GRIA1: variants seen among roughly 807,000 people sequenced by gnomAD.
The protein encoded by GRIA1 is glutamate receptor 1.
GRIA1 carries 31 observed loss-of-function variants against 99.2 expected under a neutral mutation model. The observed-to-expected ratio is 0.31, with a 90% CI of 0.23 to 0.42. GRIA1 has a LOEUF of 0.42. GRIA1 is among the 10% of genes least tolerant of loss of function. The pLI, the probability that GRIA1 is intolerant of heterozygous loss-of-function variation, is 1.00. For missense variants in GRIA1, 782 were observed against 1,157.5 expected (o/e 0.68, Z 4.71); for synonymous variants, 438 against 432.4 (o/e 1.01, Z -0.16).
chr5:153,762,889 GT>G (rs1375895262), intron 11 of GRIA1, among the ~76,000 whole-genome samples: 1 of 152,120 alleles, frequency 6.6e-6, no homozygotes, highest in Admixed American at 6.5e-5. Flanking sequence ...CTTCTACAAA[GT>G]TCTCCTAAAT....
chr5:153,626,444 C>CTGTGTGTGTGTG (rs3036985), intron 2 of GRIA1, among the ~76,000 whole-genome samples: 10 of 142,322 alleles, frequency 7.0e-5, no homozygotes, highest in Non-Finnish European at 9.2e-5. Flanking sequence ...GTGTGTGTGT[C>CTGTGTGTGTGTG]TGTGTGTGTG....
chr5:153,762,374 G>C (rs1235790562), intron 11 of GRIA1, among the ~76,000 whole-genome samples: 1 of 152,082 alleles, frequency 6.6e-6, no homozygotes, highest in Non-Finnish European at 1.5e-5. Context: ...ATCCAGAGTT[G>C]GGAAAGCTGC....
chr5:153,656,390 T>TATATATATATATAC (rs1243047088), intron 5 of GRIA1, among the ~76,000 whole-genome samples: 1 of 50,376 alleles, frequency 2.0e-5, no homozygotes, highest in Non-Finnish European at 5.1e-5. Flanking sequence ...TGTTTATATA[T>TATATATATATATAC]ATATATATAT....
intron 2 of GRIA1, chr5:153,558,029 G>A (rs1760806155): frequency 2.0e-5 from 3 of 152,136 alleles, no homozygotes; most frequent in South Asian, 4.1e-4. Context: ...ATGACTGTAT[G>A]TGTTATACTT....
chr5:153,563,171 T>C (rs1418215396), intron 2 of GRIA1, among the ~76,000 whole-genome samples: 1 of 143,298 alleles, frequency 7.0e-6, no homozygotes, highest in Non-Finnish European at 1.5e-5. Flanking sequence ...CGAGACTCTG[T>C]CTCAAAAAAA....
At chr5:153,766,383 T>A (rs1374661910) in intron 12 of GRIA1, among the ~76,000 whole-genome samples, 1 of 152,204 alleles carries the variant, frequency 6.6e-6, no homozygotes, top group Non-Finnish European at 1.5e-5. Context: ...CAACCCCTGC[T>A]AATGCAGTTA....
At chr5:153,505,037 G>T (rs1220543046) in intron 2 of GRIA1, among the ~76,000 whole-genome samples, 1 of 152,048 alleles carries the variant, frequency 6.6e-6, no homozygotes, top group African/African-American at 2.4e-5. Flanking sequence ...ACCTGAAGAG[G>T]GGACAGGGAG....
intron 4 of GRIA1, among the ~76,000 whole-genome samples, chr5:153,654,241 G>A (rs1244249070): frequency 6.6e-6 from 1 of 152,096 alleles, no homozygotes; most frequent in Non-Finnish European, 1.5e-5. Context: ...GTATAGGTTG[G>A]GGAATAGATA....
intron 11 of GRIA1, among the ~76,000 whole-genome samples, chr5:153,723,697 C>G (rs927960563): frequency 2.0e-4 from 31 of 152,094 alleles, no homozygotes; most frequent in African/African-American, 6.7e-4. Context: ...GGGGAGGGGC[C>G]CCCGCCATTG....
At chr5:153,720,594 C>G (rs1759987675) in intron 11 of GRIA1, among the ~76,000 whole-genome samples, 1 of 152,160 alleles carries the variant, frequency 6.6e-6, no homozygotes, top group Non-Finnish European at 1.5e-5. Context: ...TTTGCATATC[C>G]ACCTGAGAAG....
chr5:153,703,378 T>G (rs1407670415), intron 10 of GRIA1, among the ~76,000 whole-genome samples: 1 of 152,246 alleles, frequency 6.6e-6, no homozygotes, highest in Non-Finnish European at 1.5e-5. Flanking sequence ...ATTTTCATGT[T>G]ATTAACCATC....
At position 153,685,258 on chromosome 5, in the gene GRIA1, G is replaced by T. The variant is rs540601008; in HGVS notation, c.1030-967G>T. ...CTTGTACCTGAGCTGATGATACACA[G>T]CTAGACTCAGACTCAGTTTGAGAGT... On this transcript the variant is annotated intron_variant, in intron 7 of 15. Coordinates refer to ENST00000285900, the MANE Select transcript of GRIA1 (RefSeq NM_000827.4). Among the ~76,000 whole-genome samples the T allele has an allele frequency of 3.5e-4, 53 of 152,318 alleles. 1 individual carries two copies. The highest frequency in any genetic ancestry group is 3.1e-3 in the Admixed American group (47 of 15,300).
intron 2 of GRIA1, among the ~76,000 whole-genome samples, chr5:153,578,148 C>CAAAAAAAAAAAAAAAAAAAAA (rs60901793): frequency 1.4e-5 from 1 of 69,316 alleles, no homozygotes; most frequent in Non-Finnish European, 2.5e-5. Context: ...GAGACTCTGT[C>CAAAAAAAAAAAAAAAAAAAAA]AAAAAAAAAA....
At chr5:153,800,080 C>T (rs907868083) in intron 14 of GRIA1, among the ~76,000 whole-genome samples, 5 of 152,184 alleles carry the variant, frequency 3.3e-5, no homozygotes, top group African/African-American at 1.2e-4. Flanking sequence ...AGCTTGGTGA[C>T]CAAAGGGGCA....
intron 2 of GRIA1, among the ~76,000 whole-genome samples, chr5:153,553,015 T>G (rs1760293186): frequency 6.6e-6 from 1 of 152,226 alleles, no homozygotes. Context: ...TACTCCCACC[T>G]TAGCCTCCCA....
chr5:153,695,330 A>G (rs903031259), intron 8 of GRIA1, among the ~76,000 whole-genome samples: 6 of 152,244 alleles, frequency 3.9e-5, no homozygotes, highest in African/African-American at 1.4e-4. Flanking sequence ...GAGTGCTTTT[A>G]AACATCTATT....
intron 2 of GRIA1, among the ~76,000 whole-genome samples, chr5:153,552,371 G>T (rs1281217179): frequency 6.6e-6 from 1 of 152,094 alleles, no homozygotes; most frequent in Non-Finnish European, 1.5e-5. Context: ...ACCAGCTTGT[G>T]TGACTCCTTT....
chr5:153,505,442 G>A (rs1302601670), intron 2 of GRIA1, among the ~76,000 whole-genome samples: 2 of 152,222 alleles, frequency 1.3e-5, no homozygotes, highest in African/African-American at 4.8e-5. Flanking sequence ...TATGTTTGAA[G>A]CAGAGATTAT....
At chr5:153,702,001 A>T (rs1581499499) in intron 10 of GRIA1, among the ~76,000 whole-genome samples, 2 of 152,138 alleles carry the variant, frequency 1.3e-5, no homozygotes, top group Non-Finnish European at 2.9e-5. Flanking sequence ...GGTGGGTAAG[A>T]TTACTGTTTA....
Sources: allele counts gnomAD v4.1 joint callset (sites outside exome capture counted in the v4.1 genomes callset), GRCh38; gene constraint gnomAD v4.1.1; transcripts MANE v1.5; gene names NCBI Gene and HGNC (gene_info 2026-07-23, HGNC 2026-07-21).